ATOSA: variants seen among roughly 807,000 people sequenced by gnomAD.
ATOSA encodes atos homolog A.
chr15:52,611,009 A>C, the ATOSA span: 1 of 1,202,972 alleles, frequency 8.3e-7, no homozygotes, highest in Non-Finnish European at 1.1e-6. Context: ...AACCTCAGTA[A>C]ATTTTATCCA....
the ATOSA span, among the ~76,000 whole-genome samples, chr15:52,631,598 T>C: frequency 6.6e-6 from 1 of 152,172 alleles, no homozygotes; most frequent in Non-Finnish European, 1.5e-5. Flanking sequence ...GCCATATATA[T>C]ATAATTTCTA....
the ATOSA span, chr15:52,585,002 G>A: frequency 7.2e-7 from 1 of 1,395,696 alleles, no homozygotes; most frequent in Non-Finnish European, 9.7e-7. Context: ...ATGTGATTCA[G>A]AATGATTGTG....
chr15:52,633,216 T>G, the ATOSA span, among the ~76,000 whole-genome samples: 2 of 152,262 alleles, frequency 1.3e-5, no homozygotes, highest in Non-Finnish European at 2.9e-5. Flanking sequence ...GATTTCTATA[T>G]TCACTCCTTT....
At chr15:52,613,677 G>A in the ATOSA span, 1 of 1,613,500 alleles carries the variant, frequency 6.2e-7, no homozygotes, top group African/African-American at 1.3e-5. Flanking sequence ...TCTCACCTGG[G>A]CCAGCTTGTC....
At chr15:52,707,467 C>T in the ATOSA span, among the ~76,000 whole-genome samples, 3 of 152,100 alleles carry the variant, frequency 2.0e-5, no homozygotes, top group Non-Finnish European at 2.9e-5. Context: ...ATAAAATGAT[C>T]GGCCTACATT....
chr15:52,602,795 T>C, the ATOSA span, among the ~76,000 whole-genome samples: 1 of 152,334 alleles, frequency 6.6e-6, no homozygotes, highest in South Asian at 2.1e-4. Context: ...ATGAAGAATC[T>C]GGTCTCAGAT....
the ATOSA span, among the ~76,000 whole-genome samples, chr15:52,679,765 C>G: frequency 5.5e-5 from 1 of 18,240 alleles, no homozygotes; most frequent in Non-Finnish European, 1.7e-4. Flanking sequence ...TCTCCTCCTC[C>G]TCCTCCTCCT....
the ATOSA span, among the ~76,000 whole-genome samples, chr15:52,594,684 A>AT: frequency 1.3e-5 from 2 of 152,160 alleles, no homozygotes; most frequent in South Asian, 4.2e-4. Flanking sequence ...TATCCTGTTG[A>AT]TTTTACCTCT....
the ATOSA span, among the ~76,000 whole-genome samples, chr15:52,663,725 A>T: frequency 8.6e-4 from 131 of 152,246 alleles, no homozygotes; most frequent in African/African-American, 3.0e-3. Flanking sequence ...AGCTCAAGTG[A>T]TCCTCCCATC....
At chr15:52,639,923 T>G in the ATOSA span, among the ~76,000 whole-genome samples, 1 of 151,688 alleles carries the variant, frequency 6.6e-6, no homozygotes, top group Admixed American at 6.6e-5. Flanking sequence ...GCTAATTTTT[T>G]TTTTTTTGGT....
chr15:52,695,725 G>A, the ATOSA span, among the ~76,000 whole-genome samples: 6 of 152,304 alleles, frequency 3.9e-5, no homozygotes, highest in Non-Finnish European at 7.4e-5. Flanking sequence ...TTGGGGAGAG[G>A]CATTTCCAGA....
chr15:52,708,200 C>T, the ATOSA span, among the ~76,000 whole-genome samples: 1 of 152,192 alleles, frequency 6.6e-6, no homozygotes. Context: ...GAGACTGATT[C>T]CACAACCAGA....
the ATOSA span, among the ~76,000 whole-genome samples, chr15:52,628,218 T>C: frequency 6.6e-6 from 1 of 152,192 alleles, no homozygotes; most frequent in East Asian, 1.9e-4. Flanking sequence ...ACAGAATCAA[T>C]ATAAAATATT....
At chr15:52,694,329 G>C in the ATOSA span, among the ~76,000 whole-genome samples, 8 of 152,042 alleles carry the variant, frequency 5.3e-5, 1 homozygote, top group African/African-American at 1.9e-4. Context: ...ACCACATCTG[G>C]CTAATTCTGC....
At chr15:52,646,477 C>T in the ATOSA span, among the ~76,000 whole-genome samples, 10 of 152,052 alleles carry the variant, frequency 6.6e-5, no homozygotes, top group Admixed American at 3.3e-4. Context: ...ACCTGAACAC[C>T]GCATTCCAGG....
chr15:52,688,378 G>A, the ATOSA span, among the ~76,000 whole-genome samples: 5 of 152,178 alleles, frequency 3.3e-5, no homozygotes, highest in Non-Finnish European at 7.4e-5. Flanking sequence ...TAAAGCAATG[G>A]CATCAGGATG....
At chr15:52,650,874 C>G in the ATOSA span, among the ~76,000 whole-genome samples, 1 of 152,204 alleles carries the variant, frequency 6.6e-6, no homozygotes, top group Admixed American at 6.5e-5. Context: ...TTAGTCTGCT[C>G]TGCTTTAATT....
the ATOSA span, chr15:52,611,099 C>T: frequency 6.3e-6 from 10 of 1,587,056 alleles, no homozygotes; most frequent in Middle Eastern, 1.7e-4. Context: ...GCTGAATACG[C>T]ACTGTCCTTT....
the ATOSA span, among the ~76,000 whole-genome samples, chr15:52,620,662 T>C: frequency 3.3e-5 from 5 of 152,290 alleles, no homozygotes; most frequent in South Asian, 1.0e-3. Flanking sequence ...CTAAAAATAA[T>C]GTCCAGCCAG....
Sources: allele counts gnomAD v4.1 joint callset (sites outside exome capture counted in the v4.1 genomes callset), GRCh38; gene constraint gnomAD v4.1.1; transcripts MANE v1.5; gene names NCBI Gene and HGNC (gene_info 2026-07-23, HGNC 2026-07-21).